CCDC178: variants seen among roughly 807,000 people sequenced by gnomAD.
CCDC178 encodes coiled-coil domain containing 178.
A neutral mutation model predicts 117.4 loss-of-function variants in CCDC178; 126 were observed. The ratio of observed to expected loss-of-function variants is 1.07; its 90% confidence interval spans 0.93 to 1.24. CCDC178 has a LOEUF of 1.24. Among genes scored for constraint, CCDC178 ranks in the 50% most tolerant of loss-of-function variants. The pLI, the probability that CCDC178 is intolerant of heterozygous loss-of-function variation, is 0.00. For synonymous variants in CCDC178, 283 were observed against 313.4 expected, an observed-to-expected ratio of 0.90 and a Z score of 1.02; for missense variants, 1,030 against 986.9, an observed-to-expected ratio of 1.04 and a Z score of -0.59.
chr18:33,181,908 T>C (rs2058736711), intron 20 of CCDC178, among the ~76,000 whole-genome samples: 1 of 151,918 alleles, frequency 6.6e-6, no homozygotes, highest in Non-Finnish European at 1.5e-5. Context: ...TCTTAAGTTA[T>C]AACATTTTTC....
At chr18:33,163,656 C>A (rs1259234453) in intron 20 of CCDC178, among the ~76,000 whole-genome samples, 1 of 152,140 alleles carries the variant, frequency 6.6e-6, no homozygotes. Context: ...ATTGCTATAG[C>A]TATTCTATAA....
chr18:33,257,472 A>G (rs575257989), intron 14 of CCDC178, among the ~76,000 whole-genome samples: 2 of 152,132 alleles, frequency 1.3e-5, no homozygotes, highest in Non-Finnish European at 2.9e-5. Context: ...TACCAAGTTC[A>G]ACAAGGCTAT....
intron 15 of CCDC178, among the ~76,000 whole-genome samples, chr18:33,233,561 TG>T (rs766043460): frequency 6.6e-5 from 10 of 152,020 alleles, no homozygotes; most frequent in Non-Finnish European, 1.3e-4. Context: ...GAGTAAAATA[TG>T]TAGGTAAGTT....
intron 20 of CCDC178, among the ~76,000 whole-genome samples, chr18:33,198,083 C>G (rs1187119476): frequency 6.6e-6 from 1 of 152,112 alleles, no homozygotes; most frequent in Non-Finnish European, 1.5e-5. Flanking sequence ...AGTGGGAGGG[C>G]TACCTGGGTA....
At chr18:33,430,874 C>T (rs1282342231) in intron 2 of CCDC178, among the ~76,000 whole-genome samples, 2 of 151,726 alleles carry the variant, frequency 1.3e-5, no homozygotes, top group East Asian at 3.9e-4. Flanking sequence ...AGTTCGAGAC[C>T]AGCCTGGCCA....
chr18:33,394,378 C>A (rs1161954288), intron 4 of CCDC178, among the ~76,000 whole-genome samples: 3 of 151,872 alleles, frequency 2.0e-5, no homozygotes, highest in Non-Finnish European at 4.4e-5. Context: ...GTGAACCAAG[C>A]CAGGTTCACA....
intron 21 of CCDC178, among the ~76,000 whole-genome samples, chr18:32,985,791 A>T (rs2055250314): frequency 6.6e-6 from 1 of 152,058 alleles, no homozygotes; most frequent in Non-Finnish European, 1.5e-5. Context: ...GAAATTTATT[A>T]TGGTAGCAGT....
chr18:32,996,155 T>G (rs151226166), intron 21 of CCDC178, among the ~76,000 whole-genome samples: 3 of 151,796 alleles, frequency 2.0e-5, no homozygotes, highest in African/African-American at 4.8e-5. Flanking sequence ...AAGAACAACA[T>G]GACAACCACA....
At chr18:33,184,640 A>AT (rs1431922810) in intron 20 of CCDC178, among the ~76,000 whole-genome samples, 2 of 151,994 alleles carry the variant, frequency 1.3e-5, no homozygotes, top group Admixed American at 6.6e-5. Context: ...ATATTAGTCT[A>AT]TTTTTGGGGG....
chr18:33,218,142 C>A (rs1281042562), intron 18 of CCDC178, among the ~76,000 whole-genome samples: 2 of 152,034 alleles, frequency 1.3e-5, no homozygotes, highest in African/African-American at 2.4e-5. Flanking sequence ...ACCTCTCTCT[C>A]ATGGCCCACA....
At chr18:33,119,627 C>T (rs187081022) in intron 20 of CCDC178, among the ~76,000 whole-genome samples, 130 of 152,220 alleles carry the variant, frequency 8.5e-4, no homozygotes, top group Middle Eastern at 3.4e-3. Context: ...GACAGTGTGG[C>T]GATTCCTCAA....
chr18:33,092,928 A>G lies in CCDC178; in HGVS notation c.2239-18T>C, dbSNP rs199879267. 96 of 1,467,680 alleles carry G rather than the reference A, an allele frequency of 6.5e-5. No homozygotes were observed. In the African/African-American group the frequency reaches 1.3e-3, roughly 19 times the overall value. The allele number at this position is 1,467,680 out of a possible 1,614,324, so 90.9% of individuals were successfully genotyped here. A position where few individuals can be genotyped will look rare whatever the true frequency, so the allele number is the denominator to read the frequency against. ...ATTATTTTCTAGAAGGTAAAAAAAT[A>G]TAATTGAATTGTGTGTATATATATA... On this transcript the variant is annotated intron_variant, in intron 20 of 22. Transcript: ENST00000383096.
chr18:33,160,854 A>G (rs1156796703), intron 20 of CCDC178, among the ~76,000 whole-genome samples: 1 of 152,070 alleles, frequency 6.6e-6, no homozygotes, highest in African/African-American at 2.4e-5. Context: ...CACATACCTT[A>G]TGCTTTCTAA....
intron 10 of CCDC178, among the ~76,000 whole-genome samples, chr18:33,328,443 A>C (rs1039988872): frequency 2.6e-5 from 4 of 152,004 alleles, no homozygotes; most frequent in Admixed American, 2.6e-4. Flanking sequence ...TTAAGCTCTT[A>C]TATTTATGTC....
At chr18:33,316,788 G>T (rs1000795839) in intron 11 of CCDC178, among the ~76,000 whole-genome samples, 3 of 151,854 alleles carry the variant, frequency 2.0e-5, no homozygotes, top group Non-Finnish European at 4.4e-5. Context: ...TAGCTAATCC[G>T]GTGGTGACTT....
intron 11 of CCDC178, among the ~76,000 whole-genome samples, chr18:33,298,762 A>G (rs556033121): frequency 2.0e-5 from 3 of 152,312 alleles, no homozygotes; most frequent in Non-Finnish European, 4.4e-5. Context: ...AAATGCTTAG[A>G]ACTGATAAAT....
At position 32,971,269 on chromosome 18, in the gene CCDC178, C is replaced by T. The variant is rs1332008324; in HGVS notation, c.2523+3278G>A. Reference sequence around the variant, plus strand: ...ACTCCCACTTATGAGTGATAACACACGGTGTTTGGTTTTCTGTTTCTGTAT... The same window carrying T: ...ACTCCCACTTATGAGTGATAACACATGGTGTTTGGTTTTCTGTTTCTGTAT... On this transcript the variant is annotated intron_variant, in intron 22 of 22. Transcript: ENST00000383096. Among the ~76,000 whole-genome samples, 3 of 151,842 alleles carry T rather than the reference C, an allele frequency of 2.0e-5. 1 individual carries two copies. The highest frequency in any genetic ancestry group is 4.1e-4 in the South Asian group (2 of 4,820).
At chr18:33,016,811 T>A (rs570267993) in intron 21 of CCDC178, among the ~76,000 whole-genome samples, 1 of 151,902 alleles carries the variant, frequency 6.6e-6, no homozygotes, top group African/African-American at 2.4e-5. Flanking sequence ...GGAAAATATA[T>A]ACTTAACATA....
chr18:33,017,792 A>C (rs1274246866), intron 21 of CCDC178, among the ~76,000 whole-genome samples: 1 of 151,942 alleles, frequency 6.6e-6, no homozygotes, highest in East Asian at 1.9e-4. Context: ...TAGAAAATGG[A>C]CTCAAATGGA....
Sources: allele counts gnomAD v4.1 joint callset (sites outside exome capture counted in the v4.1 genomes callset), GRCh38; gene constraint gnomAD v4.1.1; transcripts MANE v1.5; gene names NCBI Gene and HGNC (gene_info 2026-07-23, HGNC 2026-07-21).